Variants in ANGPT1 observed in about 807,000 individuals in gnomAD.
The protein encoded by ANGPT1 is angiopoietin-1.
ANGPT1 carries 17 observed loss-of-function variants against 62.2 expected under a neutral mutation model. The observed-to-expected ratio is 0.27, with a 90% CI of 0.19 to 0.41. The LOEUF (loss-of-function observed/expected upper bound fraction) is 0.41. ANGPT1 is among the 10% of genes least tolerant of loss of function. The pLI is 1.00. For synonymous variants in ANGPT1, 199 were observed against 198.9 expected (o/e 1.00, Z 0.00); for missense variants, 478 against 594.9 (o/e 0.80, Z 2.04).
chr8:107,457,191 T>A (rs1360921347), intron 1 of ANGPT1, among the ~76,000 whole-genome samples: 1 of 152,108 alleles, frequency 6.6e-6, no homozygotes, highest in Non-Finnish European at 1.5e-5. Flanking sequence ...TACACATTGA[T>A]ACATGTCACT....
At position 107,322,084 on chromosome 8, in the gene ANGPT1, T is replaced by C. The variant is rs1387132779; in HGVS notation, c.620A>G (p.Glu207Gly). 1.2e-6 allele frequency: 2 copies of C among 1,613,860 alleles called. No individual in the cohort carries two copies. The highest frequency in any genetic ancestry group is 2.2e-5 in the South Asian group (2 of 91,046). Residue 207 changes from glutamate (E) to glycine (G), a missense_variant, in exon 4 of 9, where the codon GAA (glutamate) becomes GGA (glycine). By Grantham distance (98) the Glu-to-Gly change is moderately conservative (BLOSUM62 -2). Transcript: ENST00000517746. ...CTCTTCCTTTAAGGTGTCCAACTCT[T>C]CCTTGTGTTTTCCTTCCATTTCTAA... ...KILEMEGKHK[E>G]ELDTLKEEKE...
At chr8:107,318,815 G>A (rs573555632) in intron 4 of ANGPT1, among the ~76,000 whole-genome samples, 17 of 152,098 alleles carry the variant, frequency 1.1e-4, no homozygotes, top group South Asian at 8.3e-4. Context: ...TCACATACTC[G>A]TCATTTCTTT....
chr8:107,257,895 G>T (rs71522802), intron 8 of ANGPT1, among the ~76,000 whole-genome samples: 57,782 of 98,950 alleles, frequency 0.58, 18,510 homozygotes, highest in Non-Finnish European at 0.65. Flanking sequence ...TTGTTTGTTT[G>T]TTTGTTTGTT....
chr8:107,462,032 T>C (rs1812084328), intron 1 of ANGPT1, among the ~76,000 whole-genome samples: 1 of 152,152 alleles, frequency 6.6e-6, no homozygotes, highest in Non-Finnish European at 1.5e-5. Flanking sequence ...TGCTTTGCCT[T>C]GGACTATATA....
intron 5 of ANGPT1, among the ~76,000 whole-genome samples, chr8:107,300,358 G>A (rs1814558022): frequency 6.6e-6 from 1 of 151,638 alleles, no homozygotes; most frequent in Non-Finnish European, 1.5e-5. Context: ...CTGCAAAAAT[G>A]TGTATGTATG....
At chr8:107,470,622 G>A (rs1327798975) in intron 1 of ANGPT1, among the ~76,000 whole-genome samples, 9 of 152,056 alleles carry the variant, frequency 5.9e-5, no homozygotes, top group African/African-American at 1.9e-4. Context: ...CTGTGCAGAA[G>A]CTCTTTAGTT....
chr8:107,443,867 A>T (rs1175945925), intron 1 of ANGPT1, among the ~76,000 whole-genome samples: 5 of 151,990 alleles, frequency 3.3e-5, no homozygotes, highest in Admixed American at 3.3e-4. Context: ...AACCAAAAAG[A>T]TAAAATGAGA....
intron 3 of ANGPT1, among the ~76,000 whole-genome samples, chr8:107,326,318 C>G (rs185483213): frequency 5.4e-4 from 82 of 152,196 alleles, no homozygotes; most frequent in African/African-American, 1.9e-3. Flanking sequence ...TTAATTATCT[C>G]TTCTCATCAT....
At chr8:107,420,777 C>T (rs1810876780) in intron 1 of ANGPT1, among the ~76,000 whole-genome samples, 1 of 152,044 alleles carries the variant, frequency 6.6e-6, no homozygotes, top group Non-Finnish European at 1.5e-5. Flanking sequence ...CACATAAGAA[C>T]TTTGTAAGAT....
chr8:107,479,991 T>C (rs1812633501), intron 1 of ANGPT1, among the ~76,000 whole-genome samples: 1 of 152,100 alleles, frequency 6.6e-6, no homozygotes. Flanking sequence ...ACAGAGGCAA[T>C]AAAAAAATTT....
At chr8:107,419,782 T>C (rs1388784409) in intron 1 of ANGPT1, among the ~76,000 whole-genome samples, 2 of 152,130 alleles carry the variant, frequency 1.3e-5, no homozygotes, top group African/African-American at 4.8e-5. Context: ...CTTTGGGTTA[T>C]CTCAAAGCTT....
intron 1 of ANGPT1, among the ~76,000 whole-genome samples, chr8:107,391,473 C>T (rs900811780): frequency 2.0e-5 from 3 of 152,124 alleles, no homozygotes; most frequent in Admixed American, 6.5e-5. Context: ...TTGAGACCAG[C>T]CTGGCCAACA....
chr8:107,387,674 G>GA (rs909791916), intron 1 of ANGPT1, among the ~76,000 whole-genome samples: 1 of 151,638 alleles, frequency 6.6e-6, no homozygotes, highest in Admixed American at 6.6e-5. Flanking sequence ...AGGATAAACC[G>GA]AAAAAAGCTT....
At chr8:107,449,297 C>A (rs1836031) in intron 1 of ANGPT1, among the ~76,000 whole-genome samples, 47,780 of 151,460 alleles carry the variant, frequency 0.32, 8,152 homozygotes, top group Middle Eastern at 0.46. Flanking sequence ...CATAAAGTAA[C>A]CTATTTAATG....
intron 1 of ANGPT1, among the ~76,000 whole-genome samples, chr8:107,458,305 G>C (rs568375074): frequency 7.6e-4 from 116 of 152,200 alleles, no homozygotes; most frequent in African/African-American, 2.7e-3. Context: ...ATTGCAATGT[G>C]TTGGAAAACC....
intron 1 of ANGPT1, among the ~76,000 whole-genome samples, chr8:107,393,768 C>G (rs1816880653): frequency 1.3e-5 from 2 of 152,168 alleles, no homozygotes; most frequent in South Asian, 4.1e-4. Context: ...TGAGATTGCA[C>G]CACTGCACTC....
intron 3 of ANGPT1, among the ~76,000 whole-genome samples, chr8:107,333,976 G>A (rs201083598): frequency 2.2e-4 from 20 of 89,404 alleles, no homozygotes; most frequent in South Asian, 1.1e-3. Context: ...AAAGAAAGGA[G>A]GGAGGGAGGG....
chr8:107,352,703 C>T (rs570485221), intron 1 of ANGPT1, among the ~76,000 whole-genome samples: 1 of 152,182 alleles, frequency 6.6e-6, no homozygotes, highest in Admixed American at 6.5e-5. Context: ...ACATTTTAAA[C>T]CCTATAAAAA....
intron 8 of ANGPT1, among the ~76,000 whole-genome samples, chr8:107,263,398 A>G (rs1813542167): frequency 6.6e-6 from 1 of 151,648 alleles, no homozygotes; most frequent in African/African-American, 2.4e-5. Context: ...TAAAAAACTC[A>G]TAAAATTAAA....
Sources: gnomAD v4.1 joint callset for allele counts (sites outside exome capture counted in the v4.1 genomes callset) on GRCh38, gnomAD v4.1.1 for gene constraint, MANE v1.5 for transcripts, NCBI Gene and HGNC (gene_info 2026-07-23, HGNC 2026-07-21) for gene names.